Variants in SHANK2 observed in about 807,000 individuals in gnomAD.
SHANK2 encodes the protein SH3 and multiple ankyrin repeat domains protein 2.
In SHANK2, 43 loss-of-function variants were observed where a neutral mutation model predicts 133.7. That is an observed-to-expected ratio of 0.32 (90% CI 0.25 to 0.41). The LOEUF (loss-of-function observed/expected upper bound fraction) is 0.41, where lower values mean the gene tolerates loss of function less well. SHANK2 is among the 10% of genes least tolerant of loss of function. The pLI is 1.00. For synonymous variants in SHANK2, 1,017 were observed against 952.8 expected, an observed-to-expected ratio of 1.07 and a Z score of -1.24; for missense variants, 1,994 against 2,235.8, an observed-to-expected ratio of 0.89 and a Z score of 2.18.
chr11:71,186,395 G>T (rs537405311), intron 2 of SHANK2, among the ~76,000 whole-genome samples: 1 of 152,312 alleles, frequency 6.6e-6, no homozygotes, highest in African/African-American at 2.4e-5. Context: ...TGAACCAGGC[G>T]CCTTAAGGTC....
intron 2 of SHANK2, among the ~76,000 whole-genome samples, chr11:71,219,188 C>A (rs1336058554): frequency 6.6e-6 from 1 of 152,186 alleles, no homozygotes; most frequent in Non-Finnish European, 1.5e-5. Flanking sequence ...TAGAACAAGG[C>A]CCACAAAATT....
Position 71,188,575 on chromosome 11 carries a change from A to G in SHANK2, c.-13+36122T>C, listed in dbSNP as rs1205440742. Among the ~76,000 whole-genome samples, 3 of 152,234 alleles carry G rather than the reference A, an allele frequency of 2.0e-5. No homozygotes were observed. The highest frequency in any genetic ancestry group is 7.2e-5 in the African/African-American group (3 of 41,458). The stretch of plus-strand genomic sequence containing the variant: ...GGAAATAAACGAGGCCCCATGAATT[A>G]CCCTGGCAACCAGGTACAGCCGTGA... On this transcript the variant is annotated intron_variant, in intron 2 of 25. Transcript: ENST00000601538. The surrounding 1 kb of genome is among the most constrained non-coding windows in gnomAD (Gnocchi z 4.6).
At chr11:71,221,677 C>CTT (rs1555121148) in intron 2 of SHANK2, among the ~76,000 whole-genome samples, 1 of 152,206 alleles carries the variant, frequency 6.6e-6, no homozygotes, top group Non-Finnish European at 1.5e-5. Context: ...CTAAGTGGAA[C>CTT]CCTTCTGCCA....
At chr11:70,834,414 G>A (rs781969574) in intron 11 of SHANK2, among the ~76,000 whole-genome samples, 4 of 152,238 alleles carry the variant, frequency 2.6e-5, no homozygotes, top group Non-Finnish European at 4.4e-5. Flanking sequence ...ACCAGCCCAA[G>A]CTCCACTTTA....
intron 17 of SHANK2, among the ~76,000 whole-genome samples, chr11:70,558,578 G>C (rs1353234137): frequency 1.3e-5 from 2 of 152,244 alleles, no homozygotes. Flanking sequence ...CTGTAACACA[G>C]AGGCAAGATC....
intron 15 of SHANK2, among the ~76,000 whole-genome samples, chr11:70,686,354 C>T (rs1422036163): frequency 1.3e-5 from 2 of 150,912 alleles, no homozygotes; most frequent in African/African-American, 4.9e-5. Flanking sequence ...CCCATTCACA[C>T]ACCCATCCAG....
chr11:70,484,170 A>G (rs577908219), intron 25 of SHANK2, among the ~76,000 whole-genome samples: 17 of 152,328 alleles, frequency 1.1e-4, no homozygotes, highest in East Asian at 7.7e-4. Flanking sequence ...ACGGGAGCCA[A>G]TGGGGCTCCC....
At chr11:71,174,894 G>A (rs1295782028) in intron 2 of SHANK2, 2 of 152,160 alleles carry the variant, frequency 1.3e-5, no homozygotes, top group Non-Finnish European at 1.5e-5. Context: ...GGGCACACAG[G>A]ATTAGATTCC....
At chr11:71,251,178 G>A (rs1555125787) in intron 1 of SHANK2, among the ~76,000 whole-genome samples, 1 of 151,666 alleles carries the variant, frequency 6.6e-6, no homozygotes, top group African/African-American at 2.4e-5. Flanking sequence ...AAGATCGGCT[G>A]CGAAAACCCA....
intron 17 of SHANK2, among the ~76,000 whole-genome samples, chr11:70,603,022 C>T (rs2060521961): frequency 6.6e-6 from 1 of 152,206 alleles, no homozygotes. Flanking sequence ...TGGCAAATGT[C>T]CATTTACAGA....
intron 25 of SHANK2, among the ~76,000 whole-genome samples, chr11:70,477,808 C>T (rs1591478144): frequency 6.6e-6 from 1 of 152,162 alleles, no homozygotes; most frequent in East Asian, 1.9e-4. Context: ...CCTGGGCTGC[C>T]CGCCCTGCCC....
intron 1 of SHANK2, among the ~76,000 whole-genome samples, chr11:71,240,399 C>T (rs571952523): frequency 6.6e-6 from 1 of 152,322 alleles, no homozygotes; most frequent in Non-Finnish European, 1.5e-5. Flanking sequence ...AGCCCCTCTC[C>T]TGTTCCTCCA....
intron 14 of SHANK2, among the ~76,000 whole-genome samples, chr11:70,770,798 C>G (rs2921323): frequency 6.6e-6 from 1 of 152,106 alleles, no homozygotes; most frequent in Non-Finnish European, 1.5e-5. Context: ...ATCAGTCCCT[C>G]TCCGACACAC....
chr11:70,662,521 T>C (rs1591721397), intron 15 of SHANK2, among the ~76,000 whole-genome samples: 1 of 151,356 alleles, frequency 6.6e-6, no homozygotes, highest in Admixed American at 6.6e-5. Flanking sequence ...CGGGGAGGGG[T>C]GGGGGCTCCC....
At chr11:70,768,934 G>A (rs1291564909) in intron 14 of SHANK2, among the ~76,000 whole-genome samples, 3 of 152,138 alleles carry the variant, frequency 2.0e-5, no homozygotes, top group Non-Finnish European at 4.4e-5. Context: ...GGGAAGGCAG[G>A]TGTCTCCAGC....
chr11:70,765,951 G>A (rs1446499030), intron 14 of SHANK2, among the ~76,000 whole-genome samples: 1 of 152,138 alleles, frequency 6.6e-6, no homozygotes, highest in African/African-American at 2.4e-5. Flanking sequence ...CCATTACCTA[G>A]GAGGTACTGT....
intron 15 of SHANK2, among the ~76,000 whole-genome samples, chr11:70,664,603 G>A (rs146731720): frequency 1.0e-3 from 157 of 152,320 alleles, no homozygotes; most frequent in African/African-American, 3.5e-3. Flanking sequence ...CGCTCCAGGC[G>A]TGCTCACTTG....
intron 2 of SHANK2, among the ~76,000 whole-genome samples, chr11:71,214,308 C>G (rs1409901715): frequency 6.6e-6 from 1 of 152,180 alleles, no homozygotes; most frequent in Non-Finnish European, 1.5e-5. Flanking sequence ...ACAGACGCAG[C>G]AAGGAAGACA....
intron 17 of SHANK2, among the ~76,000 whole-genome samples, chr11:70,510,509 G>A (rs2059190627): frequency 6.6e-6 from 1 of 152,188 alleles, no homozygotes; most frequent in African/African-American, 2.4e-5. Flanking sequence ...CCTGAGAAGA[G>A]ATTGTCTTTC....
Sources: gnomAD v4.1 joint callset for allele counts (sites outside exome capture counted in the v4.1 genomes callset) on GRCh38, gnomAD v4.1.1 for gene constraint, Gnocchi (gnomAD v3.1) non-coding constraint, MANE v1.5 for transcripts, NCBI Gene and HGNC (gene_info 2026-07-23, HGNC 2026-07-21) for gene names.